The following MRTFB variants were observed in gnomAD, a reference collection of about 807,000 sequenced individuals.
The protein encoded by MRTFB is myocardin-related transcription factor B.
A neutral mutation model predicts 104.2 loss-of-function variants in MRTFB; 29 were observed. The ratio of observed to expected loss-of-function variants is 0.28; its 90% CI spans 0.21 to 0.38. MRTFB has a LOEUF of 0.38. Ranked by LOEUF, MRTFB falls within the 10% of genes least tolerant of loss-of-function variation. The pLI, the probability that MRTFB is intolerant of heterozygous loss-of-function variation, is 1.00. For synonymous variants in MRTFB, 535 were observed against 519.5 expected (o/e 1.03, Z -0.41); for missense variants, 1,270 against 1,341.6 (o/e 0.95, Z 0.83).
the MRTFB span, among the ~76,000 whole-genome samples, chr16:14,057,177 A>G: frequency 1.3e-5 from 2 of 152,126 alleles, no homozygotes; most frequent in Non-Finnish European, 2.9e-5. Context: ...TGGGCTCTGG[A>G]ATGTAAGCTC....
intron 3 of MRTFB, chr16:14,151,028 G>A (rs2038590110): frequency 6.6e-6 from 1 of 152,156 alleles, no homozygotes; most frequent in South Asian, 2.1e-4. Context: ...CTGCTCACGC[G>A]GAGATGATGA....
the MRTFB span, among the ~76,000 whole-genome samples, chr16:13,998,471 A>G: frequency 6.6e-6 from 1 of 152,116 alleles, no homozygotes; most frequent in Non-Finnish European, 1.5e-5. Context: ...CAACATAGCA[A>G]GACCCTCTAC....
intron 3 of MRTFB, among the ~76,000 whole-genome samples, chr16:14,192,488 TTGA>T (rs1365214327): frequency 6.6e-6 from 1 of 152,204 alleles, no homozygotes. Flanking sequence ...CATACTACTA[TTGA>T]GATGAAGTTA....
chr16:14,217,165 A>G lies in MRTFB; in HGVS notation c.392A>G (p.Lys131Arg), dbSNP rs1203738054. ...AEPSLQATQM[K>R]LKRARLADDL... ...CCATCCCTGCAGGCTACTCAGATGA[A>G]GTTGAAAAGAGCTCGACTAGCAGAT... Residue 131 changes from lysine to arginine, a missense_variant, in exon 7 of 17, where the codon AAG becomes AGG. By Grantham distance (26) the Lys-to-Arg change is conservative. Transcript: ENST00000571589. 2.5e-6 allele frequency: 4 copies of G among 1,613,786 alleles called. No individual in the cohort carries two copies. The African/African-American group carries it at 5.3e-5, about 22-fold the overall frequency.
At chr16:14,186,971 G>C (rs1227269769) in intron 3 of MRTFB, 3 of 1,598,060 alleles carry the variant, frequency 1.9e-6, no homozygotes, top group Non-Finnish European at 2.5e-6. Context: ...TAACTGCTGG[G>C]GATTTTGAAC....
the MRTFB span, among the ~76,000 whole-genome samples, chr16:14,032,717 G>T: frequency 6.6e-6 from 1 of 152,108 alleles, no homozygotes; most frequent in Non-Finnish European, 1.5e-5. Flanking sequence ...AACCTGTGGG[G>T]TCTATATGAA....
At position 14,212,416 on chromosome 16, in the gene MRTFB, C is replaced by T; in HGVS notation, c.276+7C>T. 2 of 1,613,360 alleles carry T rather than the reference C, an allele frequency of 1.2e-6. No homozygotes were observed. Among genetic ancestry groups the T allele is most frequent in the Non-Finnish European group, 1.7e-6 (2 of 1,179,382 alleles). On this transcript the variant is annotated splice_region_variant and intron_variant, in intron 5 of 16. Coordinates refer to ENST00000571589, the MANE Select transcript of MRTFB (RefSeq NM_001308142.2). ...AAGCTTGGAACGAGCCAGAGTAAGACATTTCACTTTAAAATGTTCTACTTC... is the reference window on the plus strand; with the variant it reads ...AAGCTTGGAACGAGCCAGAGTAAGATATTTCACTTTAAAATGTTCTACTTC...
the MRTFB span, among the ~76,000 whole-genome samples, chr16:14,036,296 T>TTTATATATATATATATATATA: frequency 1.0e-5 from 1 of 98,354 alleles, no homozygotes; most frequent in Non-Finnish European, 2.0e-5. Flanking sequence ...TTATATATAT[T>TTTATATATATATATATATATA]TATATATATA....
At chr16:14,056,886 G>A in the MRTFB span, among the ~76,000 whole-genome samples, 2 of 152,196 alleles carry the variant, frequency 1.3e-5, no homozygotes, top group South Asian at 4.1e-4. Flanking sequence ...ACAGCACTCA[G>A]TCTAACATCC....
At chr16:14,065,830 T>C in the MRTFB span, among the ~76,000 whole-genome samples, 3 of 152,148 alleles carry the variant, frequency 2.0e-5, no homozygotes, top group Non-Finnish European at 4.4e-5. Flanking sequence ...ACCTCCTCTT[T>C]GCTGATCTCT....
intron 2 of MRTFB, among the ~76,000 whole-genome samples, chr16:14,099,670 C>CTT (rs200952464): frequency 4.4e-5 from 6 of 136,344 alleles, no homozygotes; most frequent in Admixed American, 7.2e-5. Flanking sequence ...CTTTTCTTTT[C>CTT]TTTTTTTTTT....
At chr16:14,054,730 A>G in the MRTFB span, among the ~76,000 whole-genome samples, 25 of 152,188 alleles carry the variant, frequency 1.6e-4, no homozygotes, top group African/African-American at 6.0e-4. Flanking sequence ...CTCAGAGTCC[A>G]TCATAGTACT....
chr16:14,076,107 A>C (rs2034034341), intron 1 of MRTFB, among the ~76,000 whole-genome samples: 1 of 151,264 alleles, frequency 6.6e-6, no homozygotes, highest in South Asian at 2.1e-4. Flanking sequence ...TATACATACT[A>C]TGTGAATATT....
chr16:14,217,012 G>A (rs1051136673), intron 6 of MRTFB, 114 bp from the exon 7 acceptor site: 16 of 1,058,974 alleles, frequency 1.5e-5, no homozygotes, highest in Admixed American at 2.9e-5. Flanking sequence ...TAAATATGTC[G>A]AGAACACAAA....
chr16:14,010,808 A>G, the MRTFB span, among the ~76,000 whole-genome samples: 1 of 152,260 alleles, frequency 6.6e-6, no homozygotes, highest in African/African-American at 2.4e-5. Flanking sequence ...ATTAAGTAAA[A>G]TTAAATAGCA....
At chr16:14,230,341 A>G (rs2042201760) in intron 8 of MRTFB, among the ~76,000 whole-genome samples, 1 of 152,230 alleles carries the variant, frequency 6.6e-6, no homozygotes. Context: ...CAGAGTGAAC[A>G]GGCAACCTAC....
At chr16:14,235,756 C>G (rs1485552716) in intron 9 of MRTFB, among the ~76,000 whole-genome samples, 7 of 152,196 alleles carry the variant, frequency 4.6e-5, no homozygotes, top group Non-Finnish European at 1.0e-4. Flanking sequence ...TGCCCCTCCT[C>G]TACAGGTGCC....
chr16:14,188,578 T>C (rs1190102622), intron 3 of MRTFB, among the ~76,000 whole-genome samples: 1 of 152,224 alleles, frequency 6.6e-6, no homozygotes, highest in Non-Finnish European at 1.5e-5. Context: ...CAATTCTGAC[T>C]ATGCTTTCGA....
rs935904417 is a variant in MRTFB at position 14,266,773 on chromosome 16, A to T, written c.*5329A>T. 3.9e-5 allele frequency: 6 copies of T among 152,254 alleles called. No homozygotes were observed. Among genetic ancestry groups the T allele is most frequent in the African/African-American group, 1.4e-4 (6 of 41,468 alleles). The allele number at this position is 152,254 out of a possible 1,614,324, so 9.4% of individuals were successfully genotyped here. Reference sequence around the variant, plus strand: ...TCTCAAATAAAAGACATTTTGATGTACTATGATTCTTGCTGTGCAGAGGAA... The same window carrying T: ...TCTCAAATAAAAGACATTTTGATGTTCTATGATTCTTGCTGTGCAGAGGAA... On this transcript the variant is annotated 3_prime_UTR_variant, in exon 17 of 17. Transcript: ENST00000571589.
Sources: allele counts gnomAD v4.1 joint callset (sites outside exome capture counted in the v4.1 genomes callset), GRCh38; gene constraint gnomAD v4.1.1; transcripts MANE v1.5; gene names NCBI Gene and HGNC (gene_info 2026-07-23, HGNC 2026-07-21).